Variants in DHRS7 observed in about 807,000 individuals in gnomAD.
DHRS7 encodes the protein dehydrogenase/reductase SDR family member 7.
A neutral mutation model predicts 38.9 loss-of-function variants in DHRS7; 34 were observed. The ratio of observed to expected loss-of-function variants is 0.87; its 90% CI spans 0.66 to 1.16. DHRS7 has a LOEUF of 1.16. DHRS7 is among the 50% of genes most tolerant of loss of function. The pLI, the probability that DHRS7 is intolerant of heterozygous loss-of-function variation, is 0.00. For missense variants in DHRS7, 421 were observed against 407.0 expected (o/e 1.03, Z -0.30); for synonymous variants, 158 against 153.1 (o/e 1.03, Z -0.24).
intron 1 of DHRS7, among the ~76,000 whole-genome samples, chr14:60,164,138 G>A (rs192281493): frequency 6.6e-6 from 1 of 151,556 alleles, no homozygotes; most frequent in South Asian, 2.1e-4. Flanking sequence ...TTCTCGGGTG[G>A]GGTTAAGCTT....
chr14:60,153,807 A>C lies in DHRS7; in HGVS notation c.393+152T>G. The C allele has an allele frequency of 1.7e-6, 1 of 584,988 alleles. No homozygotes were observed. Among genetic ancestry groups the C allele is most frequent in the East Asian group, 2.8e-5 (1 of 35,998 alleles). 36.2% of individuals were successfully genotyped at this position (584,988 alleles called of 1,614,324 possible). On this transcript the variant is annotated intron_variant, in intron 3 of 6. Transcript: ENST00000557185. The surrounding 1 kb of genome is among the most constrained non-coding windows in gnomAD (Gnocchi z 4.4). The stretch of plus-strand genomic sequence containing the variant: ...GAAAAGTACTAATTCCATAATGACA[A>C]AGGCTCAGAGATTAAGGGGCCCAAC...
At chr14:60,156,331 A>AC (rs904142943) in intron 1 of DHRS7, among the ~76,000 whole-genome samples, 179 bp from the exon 2 acceptor site, 11 of 152,246 alleles carry the variant, frequency 7.2e-5, no homozygotes, top group African/African-American at 2.6e-4. Context: ...AAAAAAAAAA[A>AC]AGCATTAATA....
chr14:60,154,961 G>C (rs750506739), intron 2 of DHRS7, among the ~76,000 whole-genome samples: 10 of 151,912 alleles, frequency 6.6e-5, no homozygotes, highest in Non-Finnish European at 1.2e-4. Flanking sequence ...TTGCCCTGCT[G>C]AGCACTACTG....
At chr14:60,156,192 T>A (rs1478375003) in intron 1 of DHRS7, 40 bp from the exon 2 acceptor site, 1 of 1,446,320 alleles carries the variant, frequency 6.9e-7, no homozygotes, top group African/African-American at 1.5e-5. Context: ...AAATAAGCAA[T>A]GAATTACGCT....
rs1896464251 is a variant in DHRS7, at chr14:60,148,610, C to G, written c.972+743G>C. Among the ~76,000 whole-genome samples, 1 of 152,126 alleles carries G rather than the reference C, an allele frequency of 6.6e-6. No homozygotes were observed. The highest frequency in any genetic ancestry group is 2.1e-4 in the South Asian group (1 of 4,828). On this transcript the variant is annotated intron_variant, in intron 6 of 6. Coordinates refer to ENST00000557185, the MANE Select transcript of DHRS7 (RefSeq NM_016029.4). This position sits in a 1 kb window ranked among gnomAD's most constrained non-coding sequence, Gnocchi z 4.8. ...TTCGGGAATGAGGTAAAACTGCATG[C>G]ATCTGTTTTAACAACACAGTAAGTG...
chr14:60,164,623 A>G (rs1896829775), intron 1 of DHRS7, among the ~76,000 whole-genome samples: 1 of 152,196 alleles, frequency 6.6e-6, no homozygotes, highest in Non-Finnish European at 1.5e-5. Flanking sequence ...GCAAACTGCC[A>G]TTTTTAGTTC....
intron 4 of DHRS7, chr14:60,152,642 A>G (rs1293022510): frequency 5.2e-6 from 2 of 386,512 alleles, no homozygotes; most frequent in East Asian, 4.8e-5. Context: ...TGTTAAATAG[A>G]TGATACACTT....
chr14:60,166,070 A>G (rs1896863347), upstream of DHRS7: 1 of 326,462 alleles, frequency 3.1e-6, no homozygotes, highest in African/African-American at 2.2e-5. Context: ...AACAGCAAAT[A>G]AAAACAGAGA....
intron 1 of DHRS7, among the ~76,000 whole-genome samples, chr14:60,163,423 G>A (rs1237375460): frequency 6.6e-6 from 1 of 152,030 alleles, no homozygotes; most frequent in African/African-American, 2.4e-5. Flanking sequence ...AGAGTAGTTG[G>A]GATTGCAGGT....
At position 60,149,354 on chromosome 14, in the gene DHRS7, A is replaced by C. The variant is rs767005889; in HGVS notation, c.971T>G (p.Val324Gly). ...KKRIENFKSG[V>G]DADSSYFKIF... is the part of the protein sequence containing the mutation. ...AAGAAACTTAGAAATTGGTCTTACC[A>C]CACCACTCTTAAAGTTCTCAATCCT... The change falls in exon 6 of 7, where the codon GTG becomes GGG. Residue 324 changes from valine to glycine, a missense_variant and splice_region_variant. Val to Gly is a moderately radical substitution (Grantham distance 109). Transcript: ENST00000557185. The C allele has an allele frequency of 1.1e-5, 17 of 1,613,902 alleles. No homozygotes were observed. The highest frequency in any genetic ancestry group is 1.4e-5 in the Non-Finnish European group (17 of 1,179,792).
Position 60,149,349 on chromosome 14 carries a change from T to C in DHRS7, c.972+4A>G, listed in dbSNP as rs748221259. 3.1e-6 allele frequency: 5 copies of C among 1,613,596 alleles called. No individual in the cohort carries two copies. The Admixed American group carries it at 8.3e-5, about 27-fold the overall frequency. ...CTATTAAGAAACTTAGAAATTGGTC[T>C]TACCACACCACTCTTAAAGTTCTCA... is the stretch of plus-strand genomic sequence containing the variant. On this transcript the variant is annotated splice_donor_region_variant and intron_variant, in intron 6 of 6. Transcript: ENST00000557185.
upstream of DHRS7, chr14:60,166,333 C>T (rs1289325893): frequency 3.2e-6 from 3 of 951,558 alleles, no homozygotes; most frequent in Non-Finnish European, 3.8e-6. Flanking sequence ...TGAGAACGAC[C>T]TGTGGCCAAA....
chr14:60,169,417 T>C (rs1227677875), upstream of DHRS7, among the ~76,000 whole-genome samples: 2 of 152,202 alleles, frequency 1.3e-5, no homozygotes, highest in Non-Finnish European at 2.9e-5. Flanking sequence ...AGTGTGTGAC[T>C]CCCAAGGATA....
chr14:60,155,911 C>T (rs1896648293), intron 2 of DHRS7, 89 bp downstream of exon 2: 1 of 1,282,216 alleles, frequency 7.8e-7, no homozygotes, highest in Admixed American at 3.0e-5. Context: ...GGGGGGAAAT[C>T]TCACTCCTCT....
chr14:60,150,748 G>T (rs1896526912), intron 4 of DHRS7, among the ~76,000 whole-genome samples: 3 of 152,118 alleles, frequency 2.0e-5, no homozygotes, highest in African/African-American at 7.2e-5. Context: ...CCAAGTCTTT[G>T]CTATTGTGAA....
chr14:60,154,201 G>T, intron 2 of DHRS7, 136 bp from the exon 3 acceptor site: 1 of 653,180 alleles, frequency 1.5e-6, no homozygotes, highest in Non-Finnish European at 2.7e-6. Flanking sequence ...AGTTCCTCTC[G>T]GTGGTCAGGA....
At position 60,145,911 on chromosome 14, in the gene DHRS7, C is replaced by T. The variant is rs1316862382; in HGVS notation, c.973-898G>A. ...ATAAAGATTCATAAAAACAAAGTTC[C>T]AGACATACAGACTAAAGAAGCAAAT... On this transcript the variant is annotated intron_variant, in intron 6 of 6. Transcript: ENST00000557185. This position sits in a 1 kb window ranked among gnomAD's most constrained non-coding sequence, Gnocchi z 4.0. 1 of 151,622 alleles carries T rather than the reference C, an allele frequency of 6.6e-6. No individual in the cohort carries two copies. Among genetic ancestry groups the T allele is most frequent in the Non-Finnish European group, 1.5e-5 (1 of 67,920 alleles). 9.4% of individuals were successfully genotyped at this position (151,622 alleles called of 1,614,324 possible). A position where few individuals can be genotyped will look rare whatever the true frequency, so the allele number is the denominator to read the frequency against.
At chr14:60,166,779 A>G (rs370824109), upstream of DHRS7, among the ~76,000 whole-genome samples, 25 of 152,340 alleles carry the variant, frequency 1.6e-4, no homozygotes, top group African/African-American at 5.1e-4. Context: ...CAGGGTTAAT[A>G]TAGTATTGTT....
At chr14:60,149,635 C>T (rs1031639407) in intron 5 of DHRS7, 67 bp from the exon 6 acceptor site, 1 of 1,310,328 alleles carries the variant, frequency 7.6e-7, no homozygotes, top group African/African-American at 1.5e-5. Flanking sequence ...CTAGAAAGGA[C>T]TCAAATGCCG....
Sources: gnomAD v4.1 joint callset for allele counts (sites outside exome capture counted in the v4.1 genomes callset) on GRCh38, gnomAD v4.1.1 for gene constraint, Gnocchi (gnomAD v3.1) non-coding constraint, MANE v1.5 for transcripts, NCBI Gene and HGNC (gene_info 2026-07-23, HGNC 2026-07-21) for gene names.